MTFR1: variants seen among roughly 807,000 people sequenced by gnomAD.
The protein encoded by MTFR1 is mitochondrial fission regulator 1.
In MTFR1, 28 loss-of-function variants were observed where a neutral mutation model predicts 38.8. The observed-to-expected ratio is 0.72, with a 90% confidence interval of 0.53 to 0.99. The LOEUF (loss-of-function observed/expected upper bound fraction) is 0.99, where lower values mean the gene tolerates loss of function less well. MTFR1 is among the 50% of genes least tolerant of loss of function. The pLI, the probability that MTFR1 is intolerant of heterozygous loss-of-function variation, is 0.00. For synonymous variants in MTFR1, 145 were observed against 137.0 expected (o/e 1.06, Z -0.41); for missense variants, 358 against 395.5 (o/e 0.91, Z 0.81).
intron 3 of MTFR1, among the ~76,000 whole-genome samples, chr8:65,758,225 A>G (rs1229886038): frequency 2.0e-5 from 3 of 152,092 alleles, no homozygotes; most frequent in African/African-American, 7.2e-5. Flanking sequence ...CTCAGCCCCA[A>G]TTTTGCCAGA....
At position 65,696,167 on chromosome 8, in the gene MTFR1, G is replaced by A. The variant is rs1043044382; in HGVS notation, c.281+2408G>A. Among the ~76,000 whole-genome samples the A allele has an allele frequency of 8.5e-5, 13 of 152,130 alleles. 1 individual carries two copies. The highest frequency in any genetic ancestry group is 2.7e-4 in the African/African-American group (11 of 41,424). Reference sequence around the variant, plus strand: ...GACTTCAGCAAGAGTAATTTCATTTGAGTAGTATTAGCTGGATAAAATAAG... The same window carrying A: ...GACTTCAGCAAGAGTAATTTCATTTAAGTAGTATTAGCTGGATAAAATAAG... On this transcript the variant is annotated intron_variant, in intron 4 of 7. Transcript: ENST00000262146.
chr8:65,765,407 T>A (rs1279546544), intron 3 of MTFR1: 2 of 133,532 alleles, frequency 1.5e-5, no homozygotes, highest in African/African-American at 2.8e-5. Context: ...GAGAATGGCG[T>A]GAACCCGGGA....
chr8:65,681,604 A>G (rs1309201079), intron 2 of MTFR1, among the ~76,000 whole-genome samples: 1 of 151,772 alleles, frequency 6.6e-6, no homozygotes, highest in Non-Finnish European at 1.5e-5. Flanking sequence ...ATACTTGGGG[A>G]GAAGTTTCAA....
At chr8:65,769,617 T>C (rs1242804737) in intron 3 of MTFR1, among the ~76,000 whole-genome samples, 3 of 152,158 alleles carry the variant, frequency 2.0e-5, no homozygotes, top group Non-Finnish European at 4.4e-5. Context: ...TGATCTAGAC[T>C]GGGTGCGGTA....
intron 3 of MTFR1, among the ~76,000 whole-genome samples, chr8:65,757,645 G>C (rs1563491483): frequency 6.6e-6 from 1 of 152,110 alleles, no homozygotes; most frequent in Non-Finnish European, 1.5e-5. Context: ...TTAAGACTGA[G>C]TCTCGCTCTG....
intron 2 of MTFR1, among the ~76,000 whole-genome samples, chr8:65,679,027 C>G (rs936566089): frequency 6.6e-6 from 1 of 152,194 alleles, no homozygotes; most frequent in African/African-American, 2.4e-5. Flanking sequence ...TAAAAGCAGG[C>G]AGAAACATAG....
At chr8:65,772,024 C>T (rs530757563), downstream of MTFR1, among the ~76,000 whole-genome samples, 38 of 150,808 alleles carry the variant, frequency 2.5e-4, no homozygotes, top group African/African-American at 9.0e-4. Context: ...TAAGAGATAA[C>T]GAGGCAGAAA....
At chr8:65,666,153 T>A (rs1237045019) in intron 1 of MTFR1, among the ~76,000 whole-genome samples, 1 of 152,222 alleles carries the variant, frequency 6.6e-6, no homozygotes, top group Non-Finnish European at 1.5e-5. Flanking sequence ...AGGCCTGTAA[T>A]CCCAGCACTT....
chr8:65,737,981 G>C (rs1807223353), intron 3 of MTFR1, among the ~76,000 whole-genome samples: 1 of 152,044 alleles, frequency 6.6e-6, no homozygotes, highest in African/African-American at 2.4e-5. Flanking sequence ...CAATGTGATG[G>C]TCTCTCACTA....
At chr8:65,768,640 T>C (rs1808921024) in intron 3 of MTFR1, among the ~76,000 whole-genome samples, 1 of 152,190 alleles carries the variant, frequency 6.6e-6, no homozygotes, top group Non-Finnish European at 1.5e-5. Context: ...TTACTGATAC[T>C]TGTATTCTCT....
chr8:65,686,551 G>A (rs1342569633), intron 3 of MTFR1, among the ~76,000 whole-genome samples: 1 of 143,012 alleles, frequency 7.0e-6, no homozygotes, highest in Non-Finnish European at 1.5e-5. Context: ...CTGCACTCCA[G>A]CCTGGGCGAA....
chr8:65,669,835 AATG>A (rs1804512768), intron 1 of MTFR1, 35 bp from the exon 2 acceptor site: 1 of 835,646 alleles, frequency 1.2e-6, no homozygotes. Flanking sequence ...TCTAAATAAT[AATG>A]ATTTCATTTT....
intron 2 of MTFR1, among the ~76,000 whole-genome samples, chr8:65,670,425 TTAAAAA>T (rs796823083): frequency 2.0e-5 from 3 of 152,268 alleles, no homozygotes; most frequent in African/African-American, 7.2e-5. Flanking sequence ...GTTATGTCTC[TTAAAAA>T]TAACAACTAT....
chr8:65,659,460 G>A (rs1490454859), intron 1 of MTFR1, among the ~76,000 whole-genome samples: 2 of 145,392 alleles, frequency 1.4e-5, no homozygotes, highest in Non-Finnish European at 3.0e-5. Flanking sequence ...CTGACACGTA[G>A]TCTTTGCCTC....
chr8:65,670,898 G>T (rs1263615760), intron 2 of MTFR1, among the ~76,000 whole-genome samples: 1 of 152,046 alleles, frequency 6.6e-6, no homozygotes, highest in African/African-American at 2.4e-5. Flanking sequence ...TAGAGATGGG[G>T]TTCCACTATG....
chr8:65,665,224 T>C (rs1804348178), intron 1 of MTFR1, among the ~76,000 whole-genome samples: 1 of 152,134 alleles, frequency 6.6e-6, no homozygotes. Flanking sequence ...TGAGCCACCA[T>C]GCCTGGGCTT....
intron 3 of MTFR1, among the ~76,000 whole-genome samples, chr8:65,683,132 CTTTTTTT>C (rs748824241): frequency 3.3e-5 from 4 of 121,686 alleles, no homozygotes; most frequent in African/African-American, 9.6e-5. Context: ...TTCTTTCTTT[CTTTTTTT>C]TTTTTTTTTT....
At chr8:65,689,653 C>G (rs1018609416) in intron 3 of MTFR1, 61 of 1,176,994 alleles carry the variant, frequency 5.2e-5, no homozygotes, top group Non-Finnish European at 6.4e-5. Context: ...GTGTCTAAAT[C>G]GTATTTCCAA....
At chr8:65,762,375 G>A (rs1346667171) in intron 3 of MTFR1, among the ~76,000 whole-genome samples, 3 of 152,164 alleles carry the variant, frequency 2.0e-5, no homozygotes, top group Non-Finnish European at 4.4e-5. Flanking sequence ...GGGAAAATCA[G>A]CTAGGTGTCT....
Sources: gnomAD v4.1 joint callset for allele counts (sites outside exome capture counted in the v4.1 genomes callset) on GRCh38, gnomAD v4.1.1 for gene constraint, MANE v1.5 for transcripts, NCBI Gene and HGNC (gene_info 2026-07-23, HGNC 2026-07-21) for gene names.